The following LYZL4 variants were observed in gnomAD, a reference collection of about 807,000 sequenced individuals.
The protein encoded by LYZL4 is lysozyme like 4, also known as lysozyme-like protein 4.
A neutral mutation model predicts 17.6 loss-of-function variants in LYZL4; 13 were observed. That is an observed-to-expected ratio of 0.74 (90% confidence interval 0.48 to 1.18). The LOEUF is 1.18. Ranked by LOEUF, LYZL4 falls within the 50% of genes most tolerant of loss-of-function variation. LYZL4 has a pLI of 0.00. For missense variants in LYZL4, 174 were observed against 188.2 expected, an observed-to-expected ratio of 0.92 and a Z score of 0.44; for synonymous variants, 64 against 67.7, an observed-to-expected ratio of 0.95 and a Z score of 0.27.
the LYZL4 span, among the ~76,000 whole-genome samples, chr3:42,370,069 A>G: frequency 7.9e-5 from 12 of 152,110 alleles, no homozygotes; most frequent in South Asian, 4.1e-4. Context: ...GCTGGGGGAT[A>G]ATATTAACAC....
chr3:42,372,329 T>G, the LYZL4 span, among the ~76,000 whole-genome samples: 1 of 152,036 alleles, frequency 6.6e-6, no homozygotes, highest in Non-Finnish European at 1.5e-5. Flanking sequence ...CCTCAAAGAG[T>G]TGATGTGAGA....
the LYZL4 span, among the ~76,000 whole-genome samples, chr3:42,382,875 CTT>C: frequency 3.3e-5 from 5 of 152,208 alleles, no homozygotes; most frequent in African/African-American, 9.6e-5. Flanking sequence ...AAAGCTGACT[CTT>C]TGGCCAGCAT....
intron 4 of LYZL4, among the ~76,000 whole-genome samples, chr3:42,401,886 T>A (rs1438750860): frequency 6.6e-6 from 1 of 152,118 alleles, no homozygotes; most frequent in East Asian, 1.9e-4. Flanking sequence ...AGGCTGCCAC[T>A]ATTGTCACTT....
intron 4 of LYZL4, 85 bp from the exon 5 acceptor site, chr3:42,397,419 C>T (rs1698570303): frequency 6.7e-6 from 6 of 901,848 alleles, no homozygotes; most frequent in Non-Finnish European, 1.1e-5. Context: ...AGGCCATTTA[C>T]ACCTGCCTGC....
At chr3:42,370,581 A>G in the LYZL4 span, among the ~76,000 whole-genome samples, 1 of 152,182 alleles carries the variant, frequency 6.6e-6, no homozygotes, top group African/African-American at 2.4e-5. Flanking sequence ...TGTTGTTGTG[A>G]ACCACTAAGA....
chr3:42,378,538 T>C, the LYZL4 span, among the ~76,000 whole-genome samples: 2 of 152,192 alleles, frequency 1.3e-5, no homozygotes, highest in Non-Finnish European at 2.9e-5. Flanking sequence ...ACTGAACACA[T>C]GGTCTGGCTT....
At chr3:42,387,832 G>A in the LYZL4 span, among the ~76,000 whole-genome samples, 2 of 152,008 alleles carry the variant, frequency 1.3e-5, no homozygotes, top group Non-Finnish European at 2.9e-5. Flanking sequence ...CACCCAGCTC[G>A]GCCCTCTTTT....
chr3:42,388,958 T>C, the LYZL4 span, among the ~76,000 whole-genome samples: 1 of 152,228 alleles, frequency 6.6e-6, no homozygotes, highest in Non-Finnish European at 1.5e-5. Flanking sequence ...GGAGGGCCTA[T>C]GTGCCTTGCC....
At chr3:42,395,752 G>A (rs770674739), downstream of LYZL4, among the ~76,000 whole-genome samples, 7 of 152,164 alleles carry the variant, frequency 4.6e-5, no homozygotes, top group Non-Finnish European at 1.0e-4. Flanking sequence ...CTTTGTAATG[G>A]TTTTTAAAAT....
At chr3:42,403,019 A>G (rs928348295) in intron 4 of LYZL4, among the ~76,000 whole-genome samples, 1 of 152,262 alleles carries the variant, frequency 6.6e-6, no homozygotes, top group African/African-American at 2.4e-5. Flanking sequence ...AGACTCTTCT[A>G]AGCAAATATC....
chr3:42,407,041 G>T, intron 2 of LYZL4, 43 bp from the exon 3 acceptor site: 1 of 1,613,938 alleles, frequency 6.2e-7, no homozygotes, highest in East Asian at 2.2e-5. Flanking sequence ...GACAGCTGGA[G>T]TTGGGGATGC....
At chr3:42,394,090 G>A (rs981283752), downstream of LYZL4, among the ~76,000 whole-genome samples, 2 of 152,164 alleles carry the variant, frequency 1.3e-5, no homozygotes, top group African/African-American at 4.8e-5. Flanking sequence ...ACCGTGCCCG[G>A]CCTGCCCCAA....
At chr3:42,385,556 A>T in the LYZL4 span, among the ~76,000 whole-genome samples, 1 of 152,202 alleles carries the variant, frequency 6.6e-6, no homozygotes, top group African/African-American at 2.4e-5. Context: ...ATGTATCCAC[A>T]TCATTAAGTA....
At chr3:42,402,437 C>T (rs1482321797) in intron 4 of LYZL4, among the ~76,000 whole-genome samples, 4 of 150,384 alleles carry the variant, frequency 2.7e-5, no homozygotes, top group Admixed American at 6.7e-5. Flanking sequence ...ATATAAATAT[C>T]TCCTACAAAT....
chr3:42,392,866 A>G (rs1559452190), downstream of LYZL4, among the ~76,000 whole-genome samples: 2 of 152,152 alleles, frequency 1.3e-5, no homozygotes, highest in Non-Finnish European at 1.5e-5. Context: ...AAGGTGGTGG[A>G]GTTACTAGTA....
At chr3:42,374,976 A>T in the LYZL4 span, among the ~76,000 whole-genome samples, 2 of 151,668 alleles carry the variant, frequency 1.3e-5, no homozygotes, top group Non-Finnish European at 2.9e-5. Flanking sequence ...TACCTAGCTA[A>T]TTTTTTGTAT....
At chr3:42,362,650 C>G in the LYZL4 span, among the ~76,000 whole-genome samples, 12 of 152,196 alleles carry the variant, frequency 7.9e-5, no homozygotes, top group Non-Finnish European at 1.5e-5. Context: ...TTCACAAGGG[C>G]TCCACCCTCA....
the LYZL4 span, among the ~76,000 whole-genome samples, chr3:42,369,057 G>A: frequency 1.3e-5 from 2 of 152,186 alleles, no homozygotes; most frequent in Non-Finnish European, 2.9e-5. Flanking sequence ...TGTGAGAAAT[G>A]CTGATGGCTG....
chr3:42,404,598 C>T (rs1698716613), intron 3 of LYZL4, among the ~76,000 whole-genome samples: 1 of 152,146 alleles, frequency 6.6e-6, no homozygotes, highest in Admixed American at 6.5e-5. Flanking sequence ...CACAGTACCA[C>T]CTCTATTACA....
Sources: allele counts gnomAD v4.1 joint callset (sites outside exome capture counted in the v4.1 genomes callset), GRCh38; gene constraint gnomAD v4.1.1; transcripts MANE v1.5; gene names NCBI Gene and HGNC (gene_info 2026-07-23, HGNC 2026-07-21).